Variants in SPAG16 observed in about 807,000 individuals in gnomAD.
SPAG16 encodes the protein sperm-associated antigen 16 protein.
A neutral mutation model predicts 80.4 loss-of-function variants in SPAG16; 86 were observed. The ratio of observed to expected loss-of-function variants is 1.07; its 90% CI spans 0.90 to 1.28. The LOEUF (loss-of-function observed/expected upper bound fraction) is 1.28. Among genes scored for constraint, SPAG16 ranks in the 50% most tolerant of loss-of-function variants. The pLI, the probability that SPAG16 is intolerant of heterozygous loss-of-function variation, is 0.00. For missense variants in SPAG16, 870 were observed against 765.3 expected, an observed-to-expected ratio of 1.14 and a Z score of -1.61; for synonymous variants, 294 against 265.9, an observed-to-expected ratio of 1.11 and a Z score of -1.03.
At chr2:213,663,366 G>A (rs1023991599) in intron 10 of SPAG16, among the ~76,000 whole-genome samples, 1 of 151,842 alleles carries the variant, frequency 6.6e-6, no homozygotes, top group African/African-American at 2.4e-5. Context: ...AACAATATAT[G>A]CATTTAAAAA....
chr2:214,352,922 T>C (rs1698519845), intron 15 of SPAG16, among the ~76,000 whole-genome samples: 1 of 152,162 alleles, frequency 6.6e-6, no homozygotes, highest in African/African-American at 2.4e-5. Context: ...GTTACTATAC[T>C]GTCACCCCAT....
intron 12 of SPAG16, among the ~76,000 whole-genome samples, chr2:213,951,104 T>G (rs978153429): frequency 6.6e-6 from 1 of 152,058 alleles, no homozygotes; most frequent in African/African-American, 2.4e-5. Context: ...GCAAGATATT[T>G]AAAATACCAC....
chr2:213,306,122 C>A (rs1234192896), intron 3 of SPAG16, among the ~76,000 whole-genome samples: 1 of 151,914 alleles, frequency 6.6e-6, no homozygotes, highest in African/African-American at 2.4e-5. Context: ...AATTTACTGG[C>A]ACGTAGTTGC....
At chr2:213,756,528 T>G (rs1446086518) in intron 10 of SPAG16, among the ~76,000 whole-genome samples, 2 of 152,178 alleles carry the variant, frequency 1.3e-5, no homozygotes, top group African/African-American at 4.8e-5. Context: ...AGCAAGGCCT[T>G]TGCTTATACA....
At chr2:214,037,674 C>G in intron 13 of SPAG16, among the ~76,000 whole-genome samples, 1 of 149,928 alleles carries the variant, frequency 6.7e-6, no homozygotes, top group East Asian at 1.9e-4. Context: ...TAATTTTTTG[C>G]TTTATAAAAG....
At chr2:213,605,297 C>T (rs1001408832) in intron 10 of SPAG16, among the ~76,000 whole-genome samples, 22 of 146,260 alleles carry the variant, frequency 1.5e-4, no homozygotes, top group African/African-American at 5.3e-4. Context: ...GATGGAGTCT[C>T]GCACTGTCAC....
intron 5 of SPAG16, among the ~76,000 whole-genome samples, chr2:213,324,492 T>G (rs950571074): frequency 6.6e-6 from 1 of 152,140 alleles, no homozygotes; most frequent in Admixed American, 6.5e-5. Flanking sequence ...TGTTTGAGAA[T>G]TTCATAAATG....
intron 15 of SPAG16, among the ~76,000 whole-genome samples, chr2:214,319,830 GTC>G (rs888107256): frequency 1.3e-5 from 2 of 152,276 alleles, no homozygotes; most frequent in African/African-American, 4.8e-5. Flanking sequence ...CTGTCAATAT[GTC>G]TCTGATACTG....
intron 14 of SPAG16, among the ~76,000 whole-genome samples, chr2:214,146,633 T>G (rs575103529): frequency 3.3e-4 from 51 of 152,336 alleles, no homozygotes; most frequent in South Asian, 1.9e-3. Flanking sequence ...GATATATAGT[T>G]AAGCTGTTCT....
intron 15 of SPAG16, among the ~76,000 whole-genome samples, chr2:214,246,228 C>T (rs1047009315): frequency 2.0e-5 from 3 of 148,024 alleles, no homozygotes; most frequent in Non-Finnish European, 3.0e-5. Context: ...AGTTTACAAA[C>T]GCACAAATTA....
chr2:214,304,346 G>A (rs987190476), intron 15 of SPAG16, among the ~76,000 whole-genome samples: 1 of 152,136 alleles, frequency 6.6e-6, no homozygotes, highest in Non-Finnish European at 1.5e-5. Context: ...TGAGGGCAAG[G>A]AACACCTGGC....
At chr2:213,622,653 T>C (rs2125057205) in intron 10 of SPAG16, among the ~76,000 whole-genome samples, 1 of 152,292 alleles carries the variant, frequency 6.6e-6, no homozygotes, top group African/African-American at 2.4e-5. Context: ...AAGCCAAGGC[T>C]CTCAGAGAAC....
intron 15 of SPAG16, among the ~76,000 whole-genome samples, chr2:214,318,292 C>G (rs966388173): frequency 6.6e-6 from 1 of 150,412 alleles, no homozygotes; most frequent in African/African-American, 2.4e-5. Flanking sequence ...AGACTTTTAA[C>G]GTAAGCAGTA....
chr2:213,991,911 C>T (rs1355334892), intron 12 of SPAG16, among the ~76,000 whole-genome samples: 3 of 146,790 alleles, frequency 2.0e-5, no homozygotes, highest in African/African-American at 5.1e-5. Flanking sequence ...CAGTGATTCA[C>T]GGGCACTGCT....
intron 15 of SPAG16, among the ~76,000 whole-genome samples, chr2:214,344,245 C>T (rs1226157327): frequency 6.6e-6 from 1 of 152,098 alleles, no homozygotes; most frequent in Non-Finnish European, 1.5e-5. Flanking sequence ...AAAGTCCTTT[C>T]AATTGTTTAA....
At chr2:214,232,636 C>T (rs1688781979) in intron 15 of SPAG16, among the ~76,000 whole-genome samples, 1 of 151,782 alleles carries the variant, frequency 6.6e-6, no homozygotes, top group African/African-American at 2.4e-5. Context: ...TCTAAAAGTG[C>T]CAAATGCATG....
intron 15 of SPAG16, among the ~76,000 whole-genome samples, chr2:214,293,545 A>G (rs761366949): frequency 3.3e-5 from 5 of 152,218 alleles, no homozygotes; most frequent in Non-Finnish European, 7.4e-5. Flanking sequence ...GGCACTACGT[A>G]TGATAGGCAG....
At chr2:213,765,909 A>G (rs1471306579) in intron 10 of SPAG16, among the ~76,000 whole-genome samples, 1 of 152,296 alleles carries the variant, frequency 6.6e-6, no homozygotes, top group East Asian at 1.9e-4. Flanking sequence ...AGGGAAACAG[A>G]TCCAGATCCC....
chr2:213,973,464 G>T (rs2045193287), intron 12 of SPAG16, among the ~76,000 whole-genome samples: 1 of 151,944 alleles, frequency 6.6e-6, no homozygotes, highest in Non-Finnish European at 1.5e-5. Flanking sequence ...TTAGAACAAA[G>T]AAACAATTAT....
Sources: allele counts gnomAD v4.1 joint callset (sites outside exome capture counted in the v4.1 genomes callset), GRCh38; gene constraint gnomAD v4.1.1; transcripts MANE v1.5; gene names NCBI Gene and HGNC (gene_info 2026-07-23, HGNC 2026-07-21).